ARHGAP24: variants seen among roughly 807,000 people sequenced by gnomAD.
ARHGAP24 encodes rho GTPase-activating protein 24.
ARHGAP24 carries 50 observed loss-of-function variants against 76.4 expected under a neutral mutation model. The ratio of observed to expected loss-of-function variants is 0.65; its 90% CI spans 0.52 to 0.83. The LOEUF (loss-of-function observed/expected upper bound fraction) is 0.83. Ranked by LOEUF, ARHGAP24 falls within the 40% of genes least tolerant of loss-of-function variation. The probability of loss-of-function intolerance (pLI) is 0.00; values close to 1 mark genes in which losing one functional copy is unlikely to be tolerated. For missense variants in ARHGAP24, 930 were observed against 914.2 expected, an observed-to-expected ratio of 1.02 and a Z score of -0.22; for synonymous variants, 345 against 323.3, an observed-to-expected ratio of 1.07 and a Z score of -0.72.
At chr4:85,769,882 T>G (rs537181231) in intron 3 of ARHGAP24, among the ~76,000 whole-genome samples, 1 of 152,194 alleles carries the variant, frequency 6.6e-6, no homozygotes, top group South Asian at 2.1e-4. Flanking sequence ...CCACCGCGCC[T>G]GGCCAGTAGT....
intron 2 of ARHGAP24, among the ~76,000 whole-genome samples, chr4:85,667,683 G>A (rs1215332738): frequency 1.3e-5 from 2 of 152,060 alleles, no homozygotes; most frequent in Non-Finnish European, 2.9e-5. Flanking sequence ...CTTCCCTAAT[G>A]TTCATAAGTT....
chr4:85,583,052 C>T (rs1173353084), intron 2 of ARHGAP24, among the ~76,000 whole-genome samples: 1 of 152,122 alleles, frequency 6.6e-6, no homozygotes, highest in East Asian at 1.9e-4. Flanking sequence ...TTCTAGCTTT[C>T]CTGTTTTGAT....
Position 85,503,810 on chromosome 4 carries a change from G to A in ARHGAP24, c.-21+28251G>A, listed in dbSNP as rs554164575. Among the ~76,000 whole-genome samples, 11 of 152,252 alleles carry A rather than the reference G, an allele frequency of 7.2e-5. No homozygotes were observed. In the South Asian group the frequency reaches 2.3e-3, roughly 32 times the overall value. On this transcript the variant is annotated intron_variant, in intron 1 of 9. Transcript: ENST00000395184. Reference sequence around the variant, plus strand: ...TCTAATTCTTTTAATTGTGATGTTAGGGTGTCAATTTTAGATCGTTCCTGC... The same window carrying A: ...TCTAATTCTTTTAATTGTGATGTTAAGGTGTCAATTTTAGATCGTTCCTGC...
At chr4:85,685,423 G>C (rs963656149) in intron 2 of ARHGAP24, among the ~76,000 whole-genome samples, 8 of 152,030 alleles carry the variant, frequency 5.3e-5, no homozygotes, top group Admixed American at 2.0e-4. Context: ...ATGAGGTCAG[G>C]AGATCGAGAC....
At chr4:85,506,218 G>T (rs1048088986) in intron 1 of ARHGAP24, among the ~76,000 whole-genome samples, 1 of 152,152 alleles carries the variant, frequency 6.6e-6, no homozygotes. Flanking sequence ...ACTTGAGGAG[G>T]CAGCGTGTCT....
intron 5 of ARHGAP24, among the ~76,000 whole-genome samples, chr4:85,943,921 C>T (rs113664088): frequency 6.2e-4 from 94 of 151,892 alleles, no homozygotes; most frequent in African/African-American, 2.1e-3. Flanking sequence ...AATAAACATA[C>T]GTGTGCATAT....
chr4:85,484,705 C>T (rs770874072), intron 1 of ARHGAP24, among the ~76,000 whole-genome samples: 6 of 152,200 alleles, frequency 3.9e-5, no homozygotes, highest in Non-Finnish European at 7.4e-5. Context: ...CAAATTCCAC[C>T]TCCTGGGTTC....
At chr4:85,625,484 A>G (rs1339629144) in intron 2 of ARHGAP24, among the ~76,000 whole-genome samples, 4 of 152,072 alleles carry the variant, frequency 2.6e-5, no homozygotes, top group Admixed American at 1.3e-4. Flanking sequence ...GGAGAGTTTT[A>G]CTTCCAACTA....
At chr4:85,853,450 G>A (rs533007268) in intron 3 of ARHGAP24, among the ~76,000 whole-genome samples, 11 of 152,190 alleles carry the variant, frequency 7.2e-5, no homozygotes, top group Non-Finnish European at 1.3e-4. Flanking sequence ...GTGATGCCCC[G>A]CCCTGCTTCG....
intron 5 of ARHGAP24, among the ~76,000 whole-genome samples, chr4:85,950,026 G>A (rs1186909665): frequency 6.6e-6 from 1 of 152,126 alleles, no homozygotes; most frequent in East Asian, 1.9e-4. Flanking sequence ...GTAAAGTGGT[G>A]GAGATACCCG....
intron 3 of ARHGAP24, among the ~76,000 whole-genome samples, chr4:85,732,169 A>C (rs1021970071): frequency 2.6e-5 from 4 of 152,224 alleles, no homozygotes; most frequent in Non-Finnish European, 5.9e-5. Context: ...CTGTTATTAC[A>C]AATAGAGTTT....
At position 85,629,629 on chromosome 4, in the gene ARHGAP24, G is replaced by A. The variant is rs547981285; in HGVS notation, c.180+58908G>A. 3.3e-5 allele frequency among the ~76,000 whole-genome samples: 5 copies of A among 152,020 alleles called. No individual in the cohort carries two copies. In the South Asian group the frequency reaches 6.2e-4, roughly 19 times the overall value. On this transcript the variant is annotated intron_variant, in intron 2 of 9. Coordinates refer to ENST00000395184, the MANE Select transcript of ARHGAP24 (RefSeq NM_001025616.3). ...CAGTCTTGCCAGGTATCTTATTCTT[G>A]GTCAGCAGTTTTTTTTATTTGAACA...
chr4:85,512,286 G>A (rs1435893136), intron 1 of ARHGAP24, among the ~76,000 whole-genome samples: 1 of 152,196 alleles, frequency 6.6e-6, no homozygotes, highest in African/African-American at 2.4e-5. Flanking sequence ...AGGATTAAAT[G>A]AGATAATGCT....
At chr4:85,806,557 G>T (rs1728800688) in intron 3 of ARHGAP24, among the ~76,000 whole-genome samples, 2 of 152,014 alleles carry the variant, frequency 1.3e-5, no homozygotes, top group South Asian at 2.1e-4. Context: ...GGTAGCAGTT[G>T]TTCCCTATGA....
At chr4:85,894,404 G>T (rs1420913279) in intron 3 of ARHGAP24, among the ~76,000 whole-genome samples, 3 of 152,094 alleles carry the variant, frequency 2.0e-5, no homozygotes, top group African/African-American at 7.2e-5. Context: ...AGAAGTAGAA[G>T]TAAGGATGGA....
intron 2 of ARHGAP24, among the ~76,000 whole-genome samples, chr4:85,587,015 T>C (rs143955751): frequency 3.9e-5 from 6 of 152,330 alleles, no homozygotes; most frequent in African/African-American, 1.4e-4. Flanking sequence ...CTATAAGCAC[T>C]GTAACTAAAG....
chr4:85,636,083 C>G (rs1364486717), intron 2 of ARHGAP24, among the ~76,000 whole-genome samples: 3 of 151,816 alleles, frequency 2.0e-5, no homozygotes, highest in Non-Finnish European at 2.9e-5. Context: ...TAAGTAGATT[C>G]TGTAGGTTTA....
intron 1 of ARHGAP24, among the ~76,000 whole-genome samples, chr4:85,568,951 A>G (rs1268129187): frequency 6.6e-6 from 1 of 152,186 alleles, no homozygotes; most frequent in Non-Finnish European, 1.5e-5. Flanking sequence ...AGTAATTAGA[A>G]CGAAAGTTCT....
rs370846906 is a variant in ARHGAP24, at chr4:85,819,507, T to G, written c.268+97535T>G. Among the ~76,000 whole-genome samples, 117 of 152,122 alleles carry G rather than the reference T, an allele frequency of 7.7e-4. 1 individual carries two copies. The highest frequency in any genetic ancestry group is 3.4e-3 in the Middle Eastern group (1 of 294). ...GTTAGGTTTTCCTTGTTTTTCTAAT[T>G]CTCTGTTGAAATGTACAATGGTAGC... is the stretch of plus-strand genomic sequence containing the variant. On this transcript the variant is annotated intron_variant, in intron 3 of 9. Transcript: ENST00000395184.
Sources: gnomAD v4.1 joint callset for allele counts (sites outside exome capture counted in the v4.1 genomes callset) on GRCh38, gnomAD v4.1.1 for gene constraint, MANE v1.5 for transcripts, NCBI Gene and HGNC (gene_info 2026-07-23, HGNC 2026-07-21) for gene names.